PHF14: variants seen among roughly 807,000 people sequenced by gnomAD.
PHF14 encodes PHD finger protein 14.
Under a neutral mutation model 117.9 loss-of-function variants are expected in PHF14, and 55 were observed. The observed-to-expected ratio is 0.47, with a 90% CI of 0.38 to 0.58. PHF14 has a LOEUF of 0.58. Ranked by LOEUF, PHF14 falls within the 20% of genes least tolerant of loss-of-function variation. PHF14 has a pLI of 0.00. For synonymous variants in PHF14, 409 were observed against 368.6 expected (o/e 1.11, Z -1.26); for missense variants, 978 against 1,122.2 (o/e 0.87, Z 1.84).
At chr7:11,042,852 T>C (rs1562436196) in intron 13 of PHF14, 38 bp downstream of exon 13, 1 of 1,423,108 alleles carries the variant, frequency 7.0e-7, no homozygotes, top group Non-Finnish European at 9.7e-7. Flanking sequence ...TTTGAATTGA[T>C]TTACTCTTAG....
intron 13 of PHF14, among the ~76,000 whole-genome samples, chr7:11,049,313 A>T (rs1314736262): frequency 1.3e-5 from 2 of 151,940 alleles, no homozygotes; most frequent in East Asian, 3.9e-4. Context: ...TGTCTCTACT[A>T]AAAAATCCAA....
In PHF14 at chr7:11,015,576, T is replaced by G. The variant is rs7810668; in HGVS notation, c.1205+1670T>G. 5.3e-3 allele frequency among the ~76,000 whole-genome samples: 814 copies of G among 152,224 alleles called. 5 individuals are homozygous for G. Among genetic ancestry groups the G allele is most frequent in the African/African-American group, 0.019 (776 of 41,536 alleles). On this transcript the variant is annotated intron_variant, in intron 5 of 17. Coordinates refer to ENST00000634607, the MANE Select transcript of PHF14 (RefSeq NM_001007157.2). ...GTCTATGTTTGGATTCTAGTCTTTT[T>G]TTTTTAATAGCTATAATTTTAGGCA... is the stretch of plus-strand genomic sequence containing the variant.
intron 4 of PHF14, among the ~76,000 whole-genome samples, chr7:11,012,349 A>C (rs1330219605): frequency 1.3e-5 from 2 of 152,218 alleles, no homozygotes; most frequent in Non-Finnish European, 2.9e-5. Flanking sequence ...TGCAGATACC[A>C]AAATTAGCAC....
chr7:10,984,494 G>A (rs1337955357), intron 3 of PHF14, among the ~76,000 whole-genome samples: 1 of 152,118 alleles, frequency 6.6e-6, no homozygotes, highest in Non-Finnish European at 1.5e-5. Flanking sequence ...AACAGGCATG[G>A]AAAAATCTAA....
rs373039518 is a variant in PHF14, at chr7:11,082,548, C to A, written c.2654+20463C>A. ...CTTGTTATTCAATCATTTATGCTTT[C>A]TGATTTATAAATTCAGCATTCAGTG... is the stretch of plus-strand genomic sequence containing the variant. On this transcript the variant is annotated intron_variant, in intron 16 of 17. Coordinates refer to ENST00000634607, the MANE Select transcript of PHF14 (RefSeq NM_001007157.2). 2.7e-4 allele frequency among the ~76,000 whole-genome samples: 41 copies of A among 152,228 alleles called. 1 individual carries two copies. The South Asian group carries it at 8.3e-3, about 31-fold the overall frequency.
chr7:11,053,520 T>C (rs1334202982), intron 14 of PHF14, among the ~76,000 whole-genome samples: 2 of 152,054 alleles, frequency 1.3e-5, no homozygotes, highest in African/African-American at 2.4e-5. Context: ...TGTTTGAAAA[T>C]GGTAACTAGT....
At chr7:11,153,935 C>T (rs981518398) in intron 17 of PHF14, among the ~76,000 whole-genome samples, 1 of 141,912 alleles carries the variant, frequency 7.0e-6, no homozygotes, top group East Asian at 2.2e-4. Context: ...AAAGTGGTCC[C>T]TGTCTGTGTG....
intron 16 of PHF14, chr7:11,105,542 A>T (rs992368276): frequency 4.0e-5 from 39 of 979,636 alleles, no homozygotes; most frequent in African/African-American, 1.4e-4. Context: ...AAAAAAATTT[A>T]AAAATGGCAA....
chr7:11,140,932 G>C (rs1269982788), intron 17 of PHF14, among the ~76,000 whole-genome samples: 2 of 151,970 alleles, frequency 1.3e-5, no homozygotes, highest in East Asian at 3.9e-4. Context: ...TTTCCTGTTT[G>C]TTACATTTAT....
At chr7:11,134,089 G>A (rs1328091440) in intron 17 of PHF14, among the ~76,000 whole-genome samples, 1 of 151,964 alleles carries the variant, frequency 6.6e-6, no homozygotes, top group Non-Finnish European at 1.5e-5. Flanking sequence ...TCAGGAGTCA[G>A]AATTTGAAAT....
At chr7:11,005,149 T>G (rs1783036296) in intron 4 of PHF14, among the ~76,000 whole-genome samples, 1 of 152,200 alleles carries the variant, frequency 6.6e-6, no homozygotes, top group South Asian at 2.1e-4. Context: ...GGTAATAACT[T>G]TGAGACTCTG....
intron 7 of PHF14, among the ~76,000 whole-genome samples, chr7:11,035,161 G>A (rs968750350): frequency 6.6e-6 from 1 of 151,490 alleles, no homozygotes; most frequent in Non-Finnish European, 1.5e-5. Flanking sequence ...CCAATACAGT[G>A]TAACAACTAT....
At chr7:10,990,946 T>C in intron 4 of PHF14, 99 bp downstream of exon 4, 1 of 767,732 alleles carries the variant, frequency 1.3e-6, no homozygotes, top group Non-Finnish European at 2.0e-6. Context: ...GTGTTTCGGT[T>C]GAAATAATGC....
At chr7:11,104,507 T>C in intron 16 of PHF14, 1 of 982,080 alleles carries the variant, frequency 1.0e-6, no homozygotes, top group Non-Finnish European at 1.2e-6. Context: ...AAATGATTCA[T>C]ATTTCACAGA....
chr7:11,165,960 A>G (rs1054762306), intron 17 of PHF14, among the ~76,000 whole-genome samples: 1 of 152,190 alleles, frequency 6.6e-6, no homozygotes, highest in African/African-American at 2.4e-5. Flanking sequence ...GTGCCTAGAA[A>G]TTACCATTCT....
intron 16 of PHF14, among the ~76,000 whole-genome samples, chr7:11,088,669 C>T (rs1019024846): frequency 2.0e-5 from 3 of 151,526 alleles, no homozygotes; most frequent in Non-Finnish European, 2.9e-5. Flanking sequence ...AGGAAATAGT[C>T]AAAGAAAGAA....
intron 16 of PHF14, among the ~76,000 whole-genome samples, chr7:11,089,371 A>G (rs1786552384): frequency 6.6e-6 from 1 of 152,160 alleles, no homozygotes; most frequent in Admixed American, 6.5e-5. Context: ...CTTGGATCGT[A>G]TTTGAACACA....
chr7:11,067,075 G>T (rs572490259), intron 16 of PHF14, among the ~76,000 whole-genome samples: 1 of 152,258 alleles, frequency 6.6e-6, no homozygotes, highest in South Asian at 2.1e-4. Context: ...TCATGTATCT[G>T]TTAAGGGATT....
intron 17 of PHF14, among the ~76,000 whole-genome samples, chr7:11,119,170 C>T (rs1787682058): frequency 6.6e-6 from 1 of 151,788 alleles, no homozygotes. Context: ...AGTAGGTTGC[C>T]ATACATATAA....
Sources: allele counts gnomAD v4.1 joint callset (sites outside exome capture counted in the v4.1 genomes callset), GRCh38; gene constraint gnomAD v4.1.1; transcripts MANE v1.5; gene names NCBI Gene and HGNC (gene_info 2026-07-23, HGNC 2026-07-21).